The following ZNF808 variants were observed in gnomAD, a reference collection of about 807,000 sequenced individuals.
ZNF808 encodes zinc finger protein 808.
Under a neutral mutation model 8.7 loss-of-function variants are expected in ZNF808, and 5 were observed. The ratio of observed to expected loss-of-function variants is 0.58; its 90% CI spans 0.30 to 1.21. The LOEUF (loss-of-function observed/expected upper bound fraction) is 1.21. Ranked by LOEUF, ZNF808 falls within the 50% of genes most tolerant of loss-of-function variation. The pLI is 0.07. For missense variants in ZNF808, 1,103 were observed against 1,098.4 expected, an observed-to-expected ratio of 1.00 and a Z score of -0.06; for synonymous variants, 380 against 366.0, an observed-to-expected ratio of 1.04 and a Z score of -0.44.
chr19:52,538,088 G>A (rs1240985946), intron 2 of ZNF808, among the ~76,000 whole-genome samples: 2 of 152,114 alleles, frequency 1.3e-5, no homozygotes, highest in African/African-American at 4.8e-5. Flanking sequence ...TACTCTAACT[G>A]CAGCCTCGAC....
Position 52,531,487 on chromosome 19 carries a change from A to T in ZNF808, c.-121-1421A>T, listed in dbSNP as rs138058504. Among the ~76,000 whole-genome samples, 936 of 152,038 alleles carry T rather than the reference A, an allele frequency of 6.2e-3. 5 individuals are homozygous for T. The highest frequency in any genetic ancestry group is 0.012 in the East Asian group (62 of 5,180). On this transcript the variant is annotated intron_variant, in intron 1 of 4. Coordinates refer to ENST00000359798, the MANE Select transcript of ZNF808 (RefSeq NM_001039886.4). ...GGAAACTCCATCTCAATAAATAAAT[A>T]AATTAATTAATTAATTAATAATAAA...
downstream of ZNF808, among the ~76,000 whole-genome samples, chr19:52,565,198 A>T (rs1233496805): frequency 6.6e-6 from 1 of 152,202 alleles, no homozygotes; most frequent in Non-Finnish European, 1.5e-5. Flanking sequence ...GAACTGCTTG[A>T]ACTTGGGAGG....
chr19:52,544,910 A>C (rs980055384), intron 3 of ZNF808, among the ~76,000 whole-genome samples: 12 of 152,100 alleles, frequency 7.9e-5, no homozygotes, highest in Admixed American at 7.2e-4. Context: ...CAGCCTCCTG[A>C]GTATCTGGGA....
intron 3 of ZNF808, among the ~76,000 whole-genome samples, chr19:52,545,597 G>C (rs528716096): frequency 6.6e-6 from 1 of 152,172 alleles, no homozygotes; most frequent in East Asian, 1.9e-4. Context: ...GGCTAAGATG[G>C]TGAAACCCTG....
Position 52,555,592 on chromosome 19 carries a change from C to T in ZNF808, c.2676C>T (p.His892=). Reference sequence around the variant, plus strand: ...TTAGTGACCGGTCAACACTTATTCACCATCAGGCAATTCATGGTATAGGGA... The same window carrying T: ...TTAGTGACCGGTCAACACTTATTCATCATCAGGCAATTCATGGTATAGGGA... The part of the protein sequence containing the change: ...KAFSDRSTLI[H]HQAIHGIGKF... The change falls in exon 5 of 5, where the codon CAC becomes CAT. Residue 892 remains histidine, a synonymous_variant. Transcript: ENST00000359798. The T allele has an allele frequency of 6.2e-7, 1 of 1,608,806 alleles. No homozygotes were observed. Among genetic ancestry groups the T allele is most frequent in the South Asian group, 1.1e-5 (1 of 90,322 alleles).
At chr19:52,551,751 C>G (rs1030449345) in intron 4 of ZNF808, among the ~76,000 whole-genome samples, 30 of 152,126 alleles carry the variant, frequency 2.0e-4, no homozygotes, top group African/African-American at 7.0e-4. Flanking sequence ...ACCTGTGATC[C>G]CAGAAATTTG....
At chr19:52,531,147 A>C (rs2059558391) in intron 1 of ZNF808, among the ~76,000 whole-genome samples, 1 of 152,132 alleles carries the variant, frequency 6.6e-6, no homozygotes, top group Non-Finnish European at 1.5e-5. Context: ...AAAAAGAAAT[A>C]GCAATCAGCT....
chr19:52,530,897 CG>C (rs1568476575), intron 1 of ZNF808, among the ~76,000 whole-genome samples: 1 of 151,476 alleles, frequency 6.6e-6, no homozygotes, highest in African/African-American at 2.4e-5. Context: ...TACTTGGACC[CG>C]GCTGGGAGGC....
At position 52,543,895 on chromosome 19, in the gene ZNF808, A is replaced by T. The variant is rs112913607; in HGVS notation, c.63+548A>T. ...GATGTTGGTCCCAGTGCAGTGGCTT[A>T]CACCTGTAATCCCAGCATTTTGGGA... is the stretch of plus-strand genomic sequence containing the variant. On this transcript the variant is annotated intron_variant, in intron 3 of 4. Coordinates refer to ENST00000359798, the MANE Select transcript of ZNF808 (RefSeq NM_001039886.4). Among the ~76,000 whole-genome samples the T allele has an allele frequency of 5.0e-3, 749 of 150,842 alleles. 5 individuals carry two copies. The highest frequency in any genetic ancestry group is 0.017 in the African/African-American group (699 of 41,008).
rs61746334 is a variant in ZNF808 at position 52,554,226 on chromosome 19, G to A, written c.1310G>A (p.Ser437Asn). ...YKCEECDKVF[S>N]QKSTLERHKR... ...TGTGAAGAATGTGACAAAGTTTTCA[G>A]TCAGAAATCAACCCTTGAGAGACAT... Residue 437 changes from serine to asparagine, a missense_variant, in exon 5 of 5, where the codon AGT becomes AAT. By Grantham distance (46) the Ser-to-Asn change is conservative (BLOSUM62 1). Coordinates refer to ENST00000359798, the MANE Select transcript of ZNF808 (RefSeq NM_001039886.4). The A allele has an allele frequency of 0.066, 106,727 of 1,613,992 alleles. 4,062 individuals carry two copies. The highest frequency in any genetic ancestry group is 0.14 in the African/African-American group (10,162 of 74,996).
Position 52,555,008 on chromosome 19 carries a change from A to G in ZNF808, c.2092A>G (p.Thr698Ala), listed in dbSNP as rs754982779. 4 of 1,614,038 alleles carry G rather than the reference A, an allele frequency of 2.5e-6. No individual in the cohort carries two copies. The South Asian group carries it at 4.4e-5, about 18-fold the overall frequency. Residue 698 changes from threonine (T) to alanine (A), a missense_variant, in exon 5 of 5, where the codon ACT becomes GCT. Transcript: ENST00000359798. ...FVCRSYVAKH[T>A]RIHSGMKPYK... ...GTGTCGTTCCTATGTGGCAAAACAT[A>G]CTAGAATTCACAGTGGAATGAAACC...
At chr19:52,567,885 A>C (rs1031511565), downstream of ZNF808, among the ~76,000 whole-genome samples, 3 of 152,180 alleles carry the variant, frequency 2.0e-5, no homozygotes, top group Admixed American at 2.0e-4. Context: ...CCAGAGATGT[A>C]CTTCTGAAGG....
rs329964 is a variant in ZNF808, at chr19:52,553,318, G to C, written c.402G>C (p.Lys134Asn). 4,989 of 1,613,670 alleles carry C rather than the reference G, an allele frequency of 3.1e-3. 146 individuals carry two copies. The African/African-American group carries it at 0.059, about 19-fold the overall frequency. Residue 134 changes from lysine (K) to asparagine (N), a missense_variant, in exon 5 of 5, where the codon AAG becomes AAC. Coordinates refer to ENST00000359798, the MANE Select transcript of ZNF808 (RefSeq NM_001039886.4). ...AAGCACCCACGACAAAAATAAAAAA[G>C]TTGACTGGTAGCACAGACCAACATG... ...GHEAPTTKIK[K>N]LTGSTDQHDH...
chr19:52,544,181 A>G (rs2059699507), intron 3 of ZNF808, among the ~76,000 whole-genome samples: 1 of 152,006 alleles, frequency 6.6e-6, no homozygotes, highest in Non-Finnish European at 1.5e-5. Flanking sequence ...AGAGAGAGAG[A>G]AGGTGTCGCT....
At chr19:52,531,546 C>T (rs1004811346) in intron 1 of ZNF808, among the ~76,000 whole-genome samples, 2 of 145,406 alleles carry the variant, frequency 1.4e-5, no homozygotes, top group Non-Finnish European at 3.0e-5. Context: ...GTAGTCAACA[C>T]GCATGACCAA....
chr19:52,530,664 CA>C (rs60540307), intron 1 of ZNF808, among the ~76,000 whole-genome samples: 1 of 148,428 alleles, frequency 6.7e-6, no homozygotes, highest in Non-Finnish European at 1.5e-5. Flanking sequence ...CTCCATCTGA[CA>C]AAAAAAAAGA....
At chr19:52,568,516 TGATA>T (rs2059878658), downstream of ZNF808, among the ~76,000 whole-genome samples, 1 of 151,980 alleles carries the variant, frequency 6.6e-6, no homozygotes, top group African/African-American at 2.4e-5. Context: ...TCTTATGGAG[TGATA>T]ATGTAACCTT....
intron 2 of ZNF808, among the ~76,000 whole-genome samples, chr19:52,541,044 T>C (rs2059665046): frequency 6.6e-6 from 1 of 152,052 alleles, no homozygotes. Context: ...CTCTACCTCC[T>C]GGGTTCAAGC....
intron 1 of ZNF808, among the ~76,000 whole-genome samples, chr19:52,531,327 T>C (rs1268191701): frequency 2.6e-5 from 4 of 151,492 alleles, no homozygotes; most frequent in African/African-American, 2.4e-5. Context: ...ACAAAATTAG[T>C]GTGTAGGTGT....
Sources: gnomAD v4.1 joint callset for allele counts (sites outside exome capture counted in the v4.1 genomes callset) on GRCh38, gnomAD v4.1.1 for gene constraint, MANE v1.5 for transcripts, NCBI Gene and HGNC (gene_info 2026-07-23, HGNC 2026-07-21) for gene names.